The following DYM variants were observed in gnomAD, a reference collection of about 807,000 sequenced individuals.
DYM encodes dymeclin.
A neutral mutation model predicts 93.1 loss-of-function variants in DYM; 78 were observed. That is an observed-to-expected ratio of 0.84 (90% CI 0.70 to 1.01). DYM has a LOEUF of 1.01. DYM is among the 50% of genes least tolerant of loss of function. The probability of loss-of-function intolerance (pLI) is 0.00; values close to 1 mark genes in which losing one functional copy is unlikely to be tolerated. For missense variants in DYM, 789 were observed against 845.0 expected, an observed-to-expected ratio of 0.93 and a Z score of 0.82; for synonymous variants, 321 against 319.7, an observed-to-expected ratio of 1.00 and a Z score of -0.04.
At chr18:49,373,674 T>C (rs1002275456) in intron 5 of DYM, among the ~76,000 whole-genome samples, 2 of 152,180 alleles carry the variant, frequency 1.3e-5, no homozygotes, top group Non-Finnish European at 2.9e-5. Context: ...TTTACCCAGC[T>C]CCTATTCAAG....
intron 17 of DYM, among the ~76,000 whole-genome samples, chr18:49,084,136 G>C (rs2078288813): frequency 6.6e-6 from 1 of 152,034 alleles, no homozygotes; most frequent in Non-Finnish European, 1.5e-5. Flanking sequence ...TTTCCTGTAA[G>C]CACCACTTGA....
At chr18:49,216,941 CA>C (rs1414082523) in intron 13 of DYM, among the ~76,000 whole-genome samples, 1 of 152,082 alleles carries the variant, frequency 6.6e-6, no homozygotes, top group Non-Finnish European at 1.5e-5. Context: ...AGACTTCAGA[CA>C]ATCAAAGTAC....
chr18:49,387,315 C>G (rs538995082), intron 3 of DYM, among the ~76,000 whole-genome samples: 8 of 151,940 alleles, frequency 5.3e-5, no homozygotes, highest in Non-Finnish European at 8.8e-5. Flanking sequence ...CTCACTCTGT[C>G]GCCCAGGCTG....
intron 1 of DYM, among the ~76,000 whole-genome samples, chr18:49,460,147 G>A (rs1216025694): frequency 1.3e-5 from 2 of 152,156 alleles, no homozygotes; most frequent in South Asian, 2.1e-4. Context: ...CCCCATCTCC[G>A]GAAGCACCGA....
At chr18:49,153,641 C>T (rs1305596752) in intron 15 of DYM, among the ~76,000 whole-genome samples, 1 of 152,034 alleles carries the variant, frequency 6.6e-6, no homozygotes, top group Non-Finnish European at 1.5e-5. Flanking sequence ...TTATAACACA[C>T]AGAATAAAAC....
At chr18:49,242,936 G>C (rs561075860) in intron 13 of DYM, among the ~76,000 whole-genome samples, 2 of 152,058 alleles carry the variant, frequency 1.3e-5, no homozygotes, top group African/African-American at 4.8e-5. Context: ...TCCTGACCTC[G>C]TGATCCACCC....
chr18:49,453,555 G>A (rs112323753), intron 1 of DYM, among the ~76,000 whole-genome samples: 50 of 152,200 alleles, frequency 3.3e-4, no homozygotes, highest in African/African-American at 1.2e-3. Context: ...CACACACGCC[G>A]CCTTTAAGAA....
chr18:49,430,226 A>T, intron 2 of DYM, 29 bp downstream of exon 2: 1 of 1,611,666 alleles, frequency 6.2e-7, no homozygotes, highest in Non-Finnish European at 8.5e-7. Flanking sequence ...CCCTCTATTC[A>T]AATTTTCAAT....
intron 13 of DYM, among the ~76,000 whole-genome samples, chr18:49,212,022 T>C (rs2092809680): frequency 6.6e-6 from 1 of 152,192 alleles, no homozygotes; most frequent in Admixed American, 6.5e-5. Context: ...AACAAGTAGA[T>C]GTCATGTGGC....
intron 15 of DYM, among the ~76,000 whole-genome samples, chr18:49,153,671 C>T (rs1404948439): frequency 6.6e-6 from 1 of 152,004 alleles, no homozygotes; most frequent in Non-Finnish European, 1.5e-5. Flanking sequence ...TGTGTCCAAA[C>T]TGATAGAAAT....
intron 14 of DYM, among the ~76,000 whole-genome samples, chr18:49,195,298 C>T (rs1012296833): frequency 4.6e-5 from 7 of 152,118 alleles, no homozygotes; most frequent in South Asian, 2.1e-4. Flanking sequence ...CATATTTATG[C>T]GATTCAGAGT....
intron 17 of DYM, 26 bp from the exon 18 acceptor site, chr18:49,044,230 T>C (rs1326883101): frequency 6.2e-6 from 10 of 1,613,656 alleles, no homozygotes; most frequent in Non-Finnish European, 7.6e-6. Flanking sequence ...GATGATTTTA[T>C]AATCCCACAG....
chr18:49,249,146 C>A (rs2094232398), intron 13 of DYM, among the ~76,000 whole-genome samples: 1 of 152,234 alleles, frequency 6.6e-6, no homozygotes, highest in Middle Eastern at 3.4e-3. Flanking sequence ...GTGAGCCAGG[C>A]TTTTGATCTG....
intron 13 of DYM, among the ~76,000 whole-genome samples, chr18:49,250,084 A>T (rs2094253422): frequency 1.3e-5 from 2 of 152,242 alleles, no homozygotes; most frequent in African/African-American, 2.4e-5. Context: ...TGCAAAATAT[A>T]GCCAGATGCT....
intron 14 of DYM, among the ~76,000 whole-genome samples, chr18:49,175,528 G>A (rs182875207): frequency 6.0e-4 from 92 of 152,208 alleles, no homozygotes; most frequent in Non-Finnish European, 1.1e-3. Context: ...ATTATTTTAG[G>A]TTTATAATAA....
intron 1 of DYM, among the ~76,000 whole-genome samples, chr18:49,458,111 C>T (rs2083159041): frequency 6.6e-6 from 1 of 152,154 alleles, no homozygotes; most frequent in Admixed American, 6.5e-5. Flanking sequence ...TTACAGCAAT[C>T]ATAGAAAACT....
chr18:49,103,045 G>C (rs2145681162), intron 16 of DYM, among the ~76,000 whole-genome samples: 1 of 152,296 alleles, frequency 6.6e-6, no homozygotes, highest in Admixed American at 6.5e-5. Context: ...GTGTAAGAGT[G>C]TTCCTATTTC....
At chr18:49,418,608 A>G (rs1040193980) in intron 2 of DYM, among the ~76,000 whole-genome samples, 1 of 152,220 alleles carries the variant, frequency 6.6e-6, no homozygotes, top group Non-Finnish European at 1.5e-5. Context: ...ATTGCAGCAA[A>G]CATCGATTTT....
intron 14 of DYM, among the ~76,000 whole-genome samples, chr18:49,171,203 A>G (rs994849198): frequency 6.6e-6 from 1 of 152,048 alleles, no homozygotes; most frequent in Non-Finnish European, 1.5e-5. Context: ...ATTGCTGGGG[A>G]GCAGAGTGCT....
Sources: allele counts gnomAD v4.1 joint callset (sites outside exome capture counted in the v4.1 genomes callset), GRCh38; gene constraint gnomAD v4.1.1; transcripts MANE v1.5; gene names NCBI Gene and HGNC (gene_info 2026-07-23, HGNC 2026-07-21).